Variants in STXBP6 observed in about 807,000 individuals in gnomAD.
STXBP6 encodes the protein syntaxin binding protein 6.
In STXBP6, 21 loss-of-function variants were observed where a neutral mutation model predicts 26.9. That is an observed-to-expected ratio of 0.78 (90% confidence interval 0.55 to 1.12). The LOEUF is 1.12. STXBP6 is among the 50% of genes most tolerant of loss of function. The pLI, the probability that STXBP6 is intolerant of heterozygous loss-of-function variation, is 0.00. For synonymous variants in STXBP6, 97 were observed against 92.6 expected (o/e 1.05, Z -0.27); for missense variants, 232 against 257.9 (o/e 0.90, Z 0.69).
chr14:24,818,240 A>C (rs944288929), intron 5 of STXBP6: 12 of 424,516 alleles, frequency 2.8e-5, no homozygotes, highest in African/African-American at 2.5e-4. Flanking sequence ...TCTGAAGCAC[A>C]ACAACAGTAA....
At chr14:25,030,703 T>C (rs373709054) in intron 1 of STXBP6, among the ~76,000 whole-genome samples, 41 of 152,206 alleles carry the variant, frequency 2.7e-4, no homozygotes, top group African/African-American at 8.9e-4. Flanking sequence ...CATTGATGGG[T>C]TCCTATCTGT....
At chr14:25,020,948 A>G (rs1359494380) in intron 1 of STXBP6, among the ~76,000 whole-genome samples, 1 of 152,206 alleles carries the variant, frequency 6.6e-6, no homozygotes, top group Non-Finnish European at 1.5e-5. Flanking sequence ...ACGCAGGCAG[A>G]TTCGTGAGTA....
intron 5 of STXBP6, among the ~76,000 whole-genome samples, chr14:24,813,923 C>A (rs1453196898): frequency 6.6e-6 from 1 of 152,182 alleles, no homozygotes; most frequent in Non-Finnish European, 1.5e-5. Context: ...CAACAAGTGT[C>A]CCCAGCCAGG....
intron 2 of STXBP6, among the ~76,000 whole-genome samples, chr14:24,959,288 T>C (rs752929781): frequency 6.6e-6 from 1 of 152,134 alleles, no homozygotes; most frequent in Non-Finnish European, 1.5e-5. Context: ...AGGGTCATCT[T>C]AGAGTGAAGG....
At chr14:24,856,186 G>T in intron 3 of STXBP6, 85 bp from the exon 4 acceptor site, 1 of 1,325,308 alleles carries the variant, frequency 7.5e-7, no homozygotes, top group Admixed American at 2.8e-5. Flanking sequence ...ATTTATAAGG[G>T]CTAAAACAAA....
At chr14:24,952,440 C>T (rs1159044033) in intron 2 of STXBP6, among the ~76,000 whole-genome samples, 1 of 152,116 alleles carries the variant, frequency 6.6e-6, no homozygotes, top group African/African-American at 2.4e-5. Context: ...AAGGTCATTG[C>T]TAAATTTTGC....
intron 1 of STXBP6, among the ~76,000 whole-genome samples, chr14:25,011,524 T>C (rs1338683734): frequency 6.6e-6 from 1 of 152,330 alleles, no homozygotes; most frequent in South Asian, 2.1e-4. Context: ...GCTAAGGTTA[T>C]TGGGCATTGT....
intron 4 of STXBP6, among the ~76,000 whole-genome samples, chr14:24,821,139 T>A (rs893219241): frequency 1.3e-5 from 2 of 151,934 alleles, no homozygotes; most frequent in Admixed American, 6.6e-5. Flanking sequence ...CACAAGAAAA[T>A]CTCCTTTTCC....
At chr14:24,960,705 C>T (rs986406626) in intron 2 of STXBP6, among the ~76,000 whole-genome samples, 1 of 152,106 alleles carries the variant, frequency 6.6e-6, no homozygotes, top group East Asian at 1.9e-4. Flanking sequence ...ACAGCTGAAC[C>T]CATATTCAGT....
At chr14:25,007,257 T>C (rs1032587833) in intron 1 of STXBP6, among the ~76,000 whole-genome samples, 9 of 152,232 alleles carry the variant, frequency 5.9e-5, no homozygotes, top group South Asian at 2.1e-4. Context: ...GTTATCTGCA[T>C]GTGTACACGT....
intron 4 of STXBP6, among the ~76,000 whole-genome samples, chr14:24,854,606 G>A (rs1256359822): frequency 6.6e-6 from 1 of 152,046 alleles, no homozygotes; most frequent in Non-Finnish European, 1.5e-5. Context: ...GGAAACCTGG[G>A]ATTTCCTGGC....
chr14:24,998,352 G>A (rs182610467), intron 1 of STXBP6, among the ~76,000 whole-genome samples: 37 of 152,160 alleles, frequency 2.4e-4, no homozygotes, highest in African/African-American at 7.0e-4. Flanking sequence ...ATATTCTTAC[G>A]CATATATTCT....
At chr14:25,023,134 G>C (rs948782579) in intron 1 of STXBP6, among the ~76,000 whole-genome samples, 1 of 152,118 alleles carries the variant, frequency 6.6e-6, no homozygotes, top group Non-Finnish European at 1.5e-5. Context: ...ATAAACAAGC[G>C]GGGATCATTA....
chr14:24,961,370 A>T (rs2073530725), intron 2 of STXBP6, among the ~76,000 whole-genome samples: 1 of 152,094 alleles, frequency 6.6e-6, no homozygotes, highest in Non-Finnish European at 1.5e-5. Context: ...CCTGTGGCAC[A>T]AGTTTACCTA....
intron 1 of STXBP6, among the ~76,000 whole-genome samples, chr14:25,025,956 T>G (rs192012623): frequency 2.3e-4 from 35 of 152,292 alleles, no homozygotes; most frequent in African/African-American, 8.2e-4. Flanking sequence ...AGCTTTACTC[T>G]TCAAAGACCA....
chr14:25,020,970 T>C (rs1459270785), intron 1 of STXBP6, among the ~76,000 whole-genome samples: 1 of 152,090 alleles, frequency 6.6e-6, no homozygotes, highest in African/African-American at 2.4e-5. Context: ...CAACTGCAAA[T>C]GCATTCTCAG....
intron 1 of STXBP6, among the ~76,000 whole-genome samples, chr14:24,993,853 C>T (rs2074533728): frequency 6.6e-6 from 1 of 152,150 alleles, no homozygotes; most frequent in South Asian, 2.1e-4. Flanking sequence ...AGAAGGCAAT[C>T]CTCCCCCAGA....
chr14:25,035,454 A>G (rs58205855), intron 1 of STXBP6, among the ~76,000 whole-genome samples: 29,822 of 152,226 alleles, frequency 0.2, 3,124 homozygotes, highest in Non-Finnish European at 0.24. Flanking sequence ...CAGGAAGTCA[A>G]TAAGTTCAAA....
intron 2 of STXBP6, among the ~76,000 whole-genome samples, chr14:24,918,659 A>T (rs2071864206): frequency 6.6e-6 from 1 of 152,094 alleles, no homozygotes; most frequent in African/African-American, 2.4e-5. Flanking sequence ...TATTAAACAC[A>T]GAGACTTAAT....
Sources: gnomAD v4.1 joint callset for allele counts (sites outside exome capture counted in the v4.1 genomes callset) on GRCh38, gnomAD v4.1.1 for gene constraint, MANE v1.5 for transcripts, NCBI Gene and HGNC (gene_info 2026-07-23, HGNC 2026-07-21) for gene names.